Variants in TMTC1 observed in about 807,000 individuals in gnomAD.
TMTC1 encodes the protein transmembrane O-mannosyltransferase targeting cadherins 1.
TMTC1 carries 73 observed loss-of-function variants against 104.8 expected under a neutral mutation model. The ratio of observed to expected loss-of-function variants is 0.70; its 90% CI spans 0.58 to 0.85. The LOEUF (loss-of-function observed/expected upper bound fraction) is 0.85. Among genes scored for constraint, TMTC1 ranks in the 40% least tolerant of loss-of-function variants. The pLI, the probability that TMTC1 is intolerant of heterozygous loss-of-function variation, is 0.00. For missense variants in TMTC1, 1,035 were observed against 1,096.1 expected (o/e 0.94, Z 0.79); for synonymous variants, 434 against 428.7 (o/e 1.01, Z -0.15).
At chr12:29,571,436 G>A (rs1460220710) in intron 9 of TMTC1, among the ~76,000 whole-genome samples, 1 of 151,812 alleles carries the variant, frequency 6.6e-6, no homozygotes, top group East Asian at 1.9e-4. Flanking sequence ...CTGGCTAGTT[G>A]GGTACTTCCG....
chr12:29,597,850 C>T (rs536204017), intron 7 of TMTC1, among the ~76,000 whole-genome samples: 23 of 152,140 alleles, frequency 1.5e-4, no homozygotes, highest in Non-Finnish European at 2.8e-4. Flanking sequence ...GCAGGGTCAT[C>T]TACCTCCTGC....
chr12:29,644,003 A>AATATAAATATATAATTTAT (rs1565734626), intron 5 of TMTC1, among the ~76,000 whole-genome samples: 4 of 48,198 alleles, frequency 8.3e-5, no homozygotes, highest in Middle Eastern at 0.013. Context: ...TTTATATATA[A>AATATAAATATATAATTTAT]ATATAAATAT....
chr12:29,694,774 T>C (rs796656200), intron 5 of TMTC1, among the ~76,000 whole-genome samples: 19 of 152,166 alleles, frequency 1.2e-4, no homozygotes, highest in African/African-American at 4.3e-4. Flanking sequence ...ACACCGTCTC[T>C]ACTAAGAATA....
At chr12:29,671,958 G>A (rs1187564062) in intron 5 of TMTC1, among the ~76,000 whole-genome samples, 3 of 152,196 alleles carry the variant, frequency 2.0e-5, no homozygotes, top group Admixed American at 6.5e-5. Context: ...CTGCTCCGAA[G>A]CAATGACAGC....
intron 5 of TMTC1, among the ~76,000 whole-genome samples, chr12:29,677,248 T>A (rs1367734490): frequency 6.6e-6 from 1 of 152,222 alleles, no homozygotes; most frequent in African/African-American, 2.4e-5. Context: ...AATAACCCTT[T>A]ATCTGCATGT....
intron 7 of TMTC1, among the ~76,000 whole-genome samples, chr12:29,591,387 T>C (rs1250831262): frequency 4.6e-5 from 7 of 152,156 alleles, no homozygotes; most frequent in Admixed American, 3.9e-4. Context: ...TCCGGCTTGC[T>C]CTGGTCAGAC....
chr12:29,757,387 C>T (rs148217790), intron 3 of TMTC1, among the ~76,000 whole-genome samples: 1 of 152,320 alleles, frequency 6.6e-6, no homozygotes, highest in Non-Finnish European at 1.5e-5. Flanking sequence ...GCCATGAACA[C>T]CACTTCAGTT....
chr12:29,539,810 C>CTGAGT (rs1398659316), intron 10 of TMTC1, among the ~76,000 whole-genome samples: 3 of 152,196 alleles, frequency 2.0e-5, no homozygotes, highest in African/African-American at 7.2e-5. Flanking sequence ...GTACTAGAGA[C>CTGAGT]TGAGATTCAG....
At chr12:29,673,744 C>CTTTTTTT (rs146463669) in intron 5 of TMTC1, among the ~76,000 whole-genome samples, 46 of 95,726 alleles carry the variant, frequency 4.8e-4, no homozygotes, top group Non-Finnish European at 6.8e-4. Context: ...AGAGGGACTT[C>CTTTTTTT]TTTTTTTTTT....
intron 5 of TMTC1, among the ~76,000 whole-genome samples, chr12:29,675,718 C>G (rs1247855163): frequency 1.3e-5 from 2 of 152,002 alleles, no homozygotes; most frequent in Admixed American, 6.6e-5. Context: ...ATTGGTTCAA[C>G]TTGTTAATTC....
chr12:29,703,284 G>A (rs1941652521), intron 5 of TMTC1, among the ~76,000 whole-genome samples: 1 of 152,148 alleles, frequency 6.6e-6, no homozygotes, highest in Admixed American at 6.5e-5. Context: ...GAGTAAAACA[G>A]TGCTTTACTC....
chr12:29,563,809 T>A (rs1191549573), intron 9 of TMTC1, among the ~76,000 whole-genome samples: 1 of 152,172 alleles, frequency 6.6e-6, no homozygotes, highest in Non-Finnish European at 1.5e-5. Flanking sequence ...GAGAAAGCTG[T>A]CCTTGCCCTC....
At chr12:29,589,806 A>G (rs1366541789) in intron 7 of TMTC1, among the ~76,000 whole-genome samples, 3 of 152,226 alleles carry the variant, frequency 2.0e-5, no homozygotes, top group Non-Finnish European at 4.4e-5. Flanking sequence ...CCTGTCCACA[A>G]TATTTGCAGG....
chr12:29,523,182 A>G (rs1379003793), intron 11 of TMTC1, among the ~76,000 whole-genome samples: 1 of 152,244 alleles, frequency 6.6e-6, no homozygotes, highest in East Asian at 1.9e-4. Flanking sequence ...CACCATTGTT[A>G]AAAGAAAAAC....
intron 6 of TMTC1, among the ~76,000 whole-genome samples, chr12:29,622,062 C>T (rs1937702388): frequency 6.6e-6 from 1 of 152,152 alleles, no homozygotes; most frequent in African/African-American, 2.4e-5. Flanking sequence ...CCAAACCCCT[C>T]AAACCCATAC....
In TMTC1 at chr12:29,536,263, A is replaced by G. The variant is rs147032987; in HGVS notation, c.1731T>C (p.Tyr577=). 9.3e-6 allele frequency: 15 copies of G among 1,612,980 alleles called. No homozygotes were observed. The African/African-American group carries it at 1.3e-4, about 14-fold the overall frequency. The change falls in exon 11 of 18, where the codon TAT becomes TAC. Residue 577 remains tyrosine (Y), a synonymous_variant. Transcript: ENST00000539277. ...AATATGCATCTGCAAACTCTGGACC[A>G]TATTTGATGGAATCCTTCAGTAAGG... The part of the protein sequence containing the change: ...AITLLKDSIK[Y]GPEFADAYSS...
At chr12:29,536,928 C>G (rs1944661999) in intron 10 of TMTC1, among the ~76,000 whole-genome samples, 1 of 152,112 alleles carries the variant, frequency 6.6e-6, no homozygotes, top group South Asian at 2.1e-4. Context: ...CTAATTCTGT[C>G]TTCTTCATTT....
At chr12:29,679,191 G>A (rs1940830976) in intron 5 of TMTC1, among the ~76,000 whole-genome samples, 1 of 152,002 alleles carries the variant, frequency 6.6e-6, no homozygotes, top group Non-Finnish European at 1.5e-5. Context: ...AAGAATACAT[G>A]ACAAAGCAAC....
At chr12:29,528,737 T>C (rs1286304824) in intron 11 of TMTC1, among the ~76,000 whole-genome samples, 1 of 152,186 alleles carries the variant, frequency 6.6e-6, no homozygotes, top group Non-Finnish European at 1.5e-5. Context: ...TTAGAATGCC[T>C]TTGAACTCTA....
Sources: gnomAD v4.1 joint callset for allele counts (sites outside exome capture counted in the v4.1 genomes callset) on GRCh38, gnomAD v4.1.1 for gene constraint, MANE v1.5 for transcripts, NCBI Gene and HGNC (gene_info 2026-07-23, HGNC 2026-07-21) for gene names.